Variants in TNKS1BP1 observed in about 807,000 individuals in gnomAD.
The protein encoded by TNKS1BP1 is 182 kDa tankyrase-1-binding protein.
Under a neutral mutation model 141.1 loss-of-function variants are expected in TNKS1BP1, and 48 were observed. The observed-to-expected ratio is 0.34, with a 90% CI of 0.27 to 0.43. The LOEUF is 0.43. Among genes scored for constraint, TNKS1BP1 ranks in the 20% least tolerant of loss-of-function variants. The pLI is 1.00. For missense variants in TNKS1BP1, 2,149 were observed against 2,226.0 expected, an observed-to-expected ratio of 0.97 and a Z score of 0.70; for synonymous variants, 875 against 898.2, an observed-to-expected ratio of 0.97 and a Z score of 0.46.
rs761284099 is a variant in TNKS1BP1 at position 57,320,198 on chromosome 11, G to C, written c.609C>G (p.Gly203=). The C allele has an allele frequency of 6.2e-7, 1 of 1,614,190 alleles. No homozygotes were observed. Among genetic ancestry groups the C allele is most frequent in the South Asian group, 1.1e-5 (1 of 91,086 alleles). The part of the protein sequence containing the change: ...GSSRYGPRTY[G]TTTAPRDEDG... ...CCTCATCCCTGGGAGCAGTGGTCGT[G>C]CCATAGGTCCTGGGGCCATATCGCG... The change falls in exon 3 of 12, where the codon GGC becomes GGG. Residue 203 remains glycine (G), a synonymous_variant. Coordinates refer to ENST00000358252, the MANE Select transcript of TNKS1BP1 (RefSeq NM_033396.3).
Position 57,309,996 on chromosome 11 carries a change from C to T in TNKS1BP1, c.2715G>A (p.Gln905=). Residue 905 remains glutamine, a synonymous_variant, in exon 6 of 12, where the codon CAG becomes CAA. Transcript: ENST00000358252. This position sits in a 1 kb window ranked among gnomAD's most constrained non-coding sequence, Gnocchi z 4.3. Reference sequence around the variant, plus strand: ...GGTCCCTCTTCCCCAAATCTTGGCCCTGCTCGTTGGCATCTTGGCTGGCAT... The same window carrying T: ...GGTCCCTCTTCCCCAAATCTTGGCCTTGCTCGTTGGCATCTTGGCTGGCAT... ...GAYASQDANE[Q]GQDLGKRDHH... The T allele has an allele frequency of 6.2e-7, 1 of 1,614,108 alleles. No individual in the cohort carries two copies. Among genetic ancestry groups the T allele is most frequent in the Non-Finnish European group, 8.5e-7 (1 of 1,179,940 alleles).
At chr11:57,300,792 C>A (rs1304466968) in intron 10 of TNKS1BP1, 92 bp downstream of exon 10, 5 of 1,544,200 alleles carry the variant, frequency 3.2e-6, no homozygotes, top group Non-Finnish European at 4.4e-6. Context: ...CCTCTTTGAG[C>A]CTCAGTTTGC....
intron 5 of TNKS1BP1, chr11:57,311,278 C>T (rs1336782265): frequency 8.1e-6 from 8 of 985,874 alleles, no homozygotes; most frequent in Non-Finnish European, 9.6e-6. Flanking sequence ...GCTTCGGAGC[C>T]GGCCAGCCTC....
chr11:57,307,473 G>T (rs529743792), intron 6 of TNKS1BP1, among the ~76,000 whole-genome samples: 2 of 151,794 alleles, frequency 1.3e-5, no homozygotes, highest in African/African-American at 4.8e-5. Flanking sequence ...CATCCCAAAT[G>T]CCTCTCCAGA....
chr11:57,308,402 C>T lies in TNKS1BP1; in HGVS notation c.4309G>A (p.Gly1437Arg), dbSNP rs771781037. 28 of 1,612,816 alleles carry T rather than the reference C, an allele frequency of 1.7e-5. No individual in the cohort carries two copies. The highest frequency in any genetic ancestry group is 2.0e-5 in the Non-Finnish European group (24 of 1,179,068). The change falls in exon 6 of 12, where the codon GGA becomes AGA. Residue 1437 changes from glycine (G) to arginine (R), a missense_variant. Transcript: ENST00000358252. ...GMETGEALSFGASPGRCPARP... is the reference protein window; with the variant it reads ...GMETGEALSFRASPGRCPARP... ...TGGGGCTCCGTTCATTACCTTGCTC[C>T]GAAGCTGAGGGCTTCTCCTGTCTCC...
chr11:57,301,680 A>C, intron 9 of TNKS1BP1, 127 bp downstream of exon 9: 1 of 1,299,192 alleles, frequency 7.7e-7, no homozygotes, highest in Non-Finnish European at 1.1e-6. Context: ...GATGGAGAGG[A>C]GAGTGAGAGG....
chr11:57,303,103 G>A (rs1205302016), intron 6 of TNKS1BP1: 3 of 399,952 alleles, frequency 7.5e-6, no homozygotes, highest in Non-Finnish European at 1.3e-5. Context: ...TCGCTGCAAG[G>A]ATGAAAGAAA....
chr11:57,324,708 C>A (rs1855940545), intron 1 of TNKS1BP1, 132 bp downstream of exon 1: 1 of 909,486 alleles, frequency 1.1e-6, no homozygotes, highest in African/African-American at 1.8e-5. Context: ...TGCAAACTTT[C>A]CTGGTGACCC....
intron 8 of TNKS1BP1, 33 bp from the exon 9 acceptor site, chr11:57,301,976 G>C: frequency 6.2e-7 from 1 of 1,610,648 alleles, no homozygotes. Flanking sequence ...CTCAGAAAAG[G>C]CAGCACACCC....
chr11:57,313,311 G>A lies in TNKS1BP1; in HGVS notation c.1377C>T (p.Ala459=). 6.2e-7 allele frequency: 1 copy of A among 1,612,986 alleles called. No individual in the cohort carries two copies. Among genetic ancestry groups the A allele is most frequent in the Non-Finnish European group, 8.5e-7 (1 of 1,179,986 alleles). The change falls in exon 5 of 12, where the codon GCC becomes GCT. Residue 459 remains alanine (A), a synonymous_variant. Coordinates refer to ENST00000358252, the MANE Select transcript of TNKS1BP1 (RefSeq NM_033396.3). ...ALPQGQGSQL[A]LDRPFGAESN... is the part of the protein sequence containing the mutation. Reference sequence around the variant, plus strand: ...ACTCTGCCCCAAAGGGACGATCCAGGGCCAACTGGCTCCCCTGGCCTTGGG... The same window carrying A: ...ACTCTGCCCCAAAGGGACGATCCAGAGCCAACTGGCTCCCCTGGCCTTGGG...
Position 57,309,169 on chromosome 11 carries a change from G to C in TNKS1BP1, c.3542C>G (p.Ser1181Trp). 1.2e-6 allele frequency: 2 copies of C among 1,613,980 alleles called. No individual in the cohort carries two copies. The highest frequency in any genetic ancestry group is 1.7e-6 in the Non-Finnish European group (2 of 1,180,020). Residue 1181 changes from serine to tryptophan, a missense_variant, in exon 6 of 12, where the codon TCG (serine) becomes TGG (tryptophan). Transcript: ENST00000358252. The surrounding 1 kb of genome is among the most constrained non-coding windows in gnomAD (Gnocchi z 4.3). Reference protein sequence around the residue: ...EVSSCVGSGGSSEARESAVGQ... With the variant: ...EVSSCVGSGGWSEARESAVGQ... ...CACGGCACTCTCCCTGGCCTCGCTC[G>C]AGCCCCCAGAACCCACACAGCTGGA...
chr11:57,317,100 T>G (rs77072760), intron 4 of TNKS1BP1, among the ~76,000 whole-genome samples: 3,999 of 152,304 alleles, frequency 0.026, 183 homozygotes, highest in African/African-American at 0.092. Flanking sequence ...CCCTTCACAG[T>G]GACACCTTCC....
chr11:57,321,953 A>C lies in TNKS1BP1; in HGVS notation c.-65-3T>G, dbSNP rs563485445. 2 of 1,581,950 alleles carry C rather than the reference A, an allele frequency of 1.3e-6. No homozygotes were observed. The highest frequency in any genetic ancestry group is 1.4e-5 in the African/African-American group (1 of 73,618). The stretch of plus-strand genomic sequence containing the variant: ...TATGAGCTGGGGTGGCTGCAGACCT[A>C]GGAAAAGAGAGAGAAGAGAAGGAAA... On this transcript the variant is annotated splice_region_variant and splice_polypyrimidine_tract_variant and intron_variant, in intron 1 of 11. Transcript: ENST00000358252.
At chr11:57,316,781 C>G (rs1255872793) in intron 4 of TNKS1BP1, among the ~76,000 whole-genome samples, 1 of 152,202 alleles carries the variant, frequency 6.6e-6, no homozygotes, top group African/African-American at 2.4e-5. Context: ...GATCTTACCT[C>G]CCTGCAACTG....
chr11:57,307,595 A>G (rs1855632918), intron 6 of TNKS1BP1, among the ~76,000 whole-genome samples: 1 of 151,670 alleles, frequency 6.6e-6, no homozygotes, highest in African/African-American at 2.4e-5. Context: ...CCTTCCCCAC[A>G]TACCCAGTGA....
At position 57,313,826 on chromosome 11, in the gene TNKS1BP1, G is replaced by A. The variant is rs776920427; in HGVS notation, c.862C>T (p.Pro288Ser). ...CCTGAGGCTTCTGCGGGGAGGCCTG[G>A]GCTGGCAGGGCCTCCATTCTCTGAG... is the stretch of plus-strand genomic sequence containing the variant. ...PSSENGGPAS[P>S]GLPAEASGSG... The change falls in exon 5 of 12, where the codon CCA (proline) becomes TCA (serine). Residue 288 changes from proline (P) to serine (S), a missense_variant. Physicochemically the swap from Pro to Ser is moderately conservative, Grantham distance 74. Transcript: ENST00000358252. 6.5e-7 allele frequency: 1 copy of A among 1,541,002 alleles called. No individual in the cohort carries two copies. The highest frequency in any genetic ancestry group is 8.7e-7 in the Non-Finnish European group (1 of 1,148,350).
At chr11:57,322,215 C>T in intron 1 of TNKS1BP1, 1 of 1,114,122 alleles carries the variant, frequency 9.0e-7, no homozygotes, top group Non-Finnish European at 1.1e-6. Context: ...CTCTGACAAG[C>T]TCTCCAAGAC....
At position 57,309,073 on chromosome 11, in the gene TNKS1BP1, C is replaced by A; in HGVS notation, c.3638G>T (p.Gly1213Val). 1 of 1,614,116 alleles carries A rather than the reference C, an allele frequency of 6.2e-7. No homozygotes were observed. Residue 1213 changes from glycine to valine, a missense_variant, in exon 6 of 12, where the codon GGG becomes GTG. Transcript: ENST00000358252. This position sits in a 1 kb window ranked among gnomAD's most constrained non-coding sequence, Gnocchi z 4.3. Reference protein sequence around the residue: ...MNLTGCLESGGSEEPGGIGVG... With the variant: ...MNLTGCLESGVSEEPGGIGVG... ...TCCGATTCCCCCCGGCTCTTCAGAC[C>A]CTCCACTTTCCAAACAGCCGGTCAG... is the stretch of plus-strand genomic sequence containing the variant.
rs772877770 is a variant in TNKS1BP1, at chr11:57,302,780, G to A, written c.4362C>T (p.Gly1454=). ...PARPPPSGSQ[G]LLEEMLAASS... is the part of the protein sequence containing the mutation. Reference sequence around the variant, plus strand: ...TGGCTGCCAGCATCTCCTCCAGCAGGCCCTGGGAGCCGGAGGGTGGGGGGC... The same window carrying A: ...TGGCTGCCAGCATCTCCTCCAGCAGACCCTGGGAGCCGGAGGGTGGGGGGC... Residue 1454 remains glycine, a synonymous_variant, in exon 7 of 12, where the codon GGC becomes GGT. Transcript: ENST00000358252. The surrounding 1 kb of genome is among the most constrained non-coding windows in gnomAD (Gnocchi z 5.5). 3.2e-6 allele frequency: 5 copies of A among 1,557,094 alleles called. No individual in the cohort carries two copies. Among genetic ancestry groups the A allele is most frequent in the Non-Finnish European group, 4.3e-6 (5 of 1,154,836 alleles).
Sources: gnomAD v4.1 joint callset for allele counts (sites outside exome capture counted in the v4.1 genomes callset) on GRCh38, gnomAD v4.1.1 for gene constraint, Gnocchi (gnomAD v3.1) non-coding constraint, MANE v1.5 for transcripts, NCBI Gene and HGNC (gene_info 2026-07-23, HGNC 2026-07-21) for gene names.